Variants in WWOX observed in about 807,000 individuals in gnomAD.
WWOX encodes WW domain-containing oxidoreductase.
Under a neutral mutation model 46.2 loss-of-function variants are expected in WWOX, and 69 were observed. That is an observed-to-expected ratio of 1.49 (90% CI 1.23 to 1.82). WWOX has a LOEUF of 1.82. WWOX is among the 40% of genes most tolerant of loss of function. The probability of loss-of-function intolerance (pLI) is 0.00; values close to 1 mark genes in which losing one functional copy is unlikely to be tolerated. For synonymous variants in WWOX, 359 were observed against 202.6 expected, an observed-to-expected ratio of 1.77 and a Z score of -6.56; for missense variants, 919 against 542.6, an observed-to-expected ratio of 1.69 and a Z score of -6.89.
Position 78,266,627 on chromosome 16 carries a change from T to A in WWOX, c.516+102338T>A, listed in dbSNP as rs568349836. 3.9e-5 allele frequency among the ~76,000 whole-genome samples: 6 copies of A among 152,304 alleles called. No homozygotes were observed. In the South Asian group the frequency reaches 8.3e-4, roughly 21 times the overall value. ...CTGTAGGGATGTAGGTGAGCTTTTT[T>A]ATTTTTCTCAACCTCAGATTCCTCA... On this transcript the variant is annotated intron_variant, in intron 5 of 8. Coordinates refer to ENST00000566780, the MANE Select transcript of WWOX (RefSeq NM_016373.4).
chr16:78,890,756 T>C (rs1475423952), intron 8 of WWOX: 2 of 152,234 alleles, frequency 1.3e-5, no homozygotes, highest in African/African-American at 4.8e-5. Context: ...TTCTGTTTTT[T>C]ATCTAAATGC....
rs552835660 is a variant in WWOX at position 78,429,652 on chromosome 16, C to G, written c.792-2836C>G. ...TAGGTAGAGTTTTCAAGTCATGTCC[C>G]ATACCTTGGATCATTGGATTCTCAA... On this transcript the variant is annotated intron_variant, in intron 7 of 8. Coordinates refer to ENST00000566780, the MANE Select transcript of WWOX (RefSeq NM_016373.4). Among the ~76,000 whole-genome samples, 4 of 152,332 alleles carry G rather than the reference C, an allele frequency of 2.6e-5. No homozygotes were observed. The South Asian group carries it at 8.3e-4, about 32-fold the overall frequency.
At chr16:79,174,799 C>CT in intron 8 of WWOX, among the ~76,000 whole-genome samples, 1 of 152,292 alleles carries the variant, frequency 6.6e-6, no homozygotes, top group East Asian at 1.9e-4. Flanking sequence ...TATTTGATAA[C>CT]TTTAACAGAA....
intron 8 of WWOX, among the ~76,000 whole-genome samples, chr16:78,722,240 G>A (rs951798583): frequency 6.6e-6 from 1 of 152,142 alleles, no homozygotes; most frequent in Non-Finnish European, 1.5e-5. Context: ...CTGACTCCGG[G>A]TTCAGACGGA....
intron 8 of WWOX, among the ~76,000 whole-genome samples, chr16:78,783,630 G>C (rs1296593218): frequency 6.6e-6 from 1 of 152,184 alleles, no homozygotes; most frequent in Non-Finnish European, 1.5e-5. Flanking sequence ...CAAAGGATGT[G>C]CCTGGCATAC....
At chr16:78,747,498 C>T (rs1224942030) in intron 8 of WWOX, among the ~76,000 whole-genome samples, 1 of 152,106 alleles carries the variant, frequency 6.6e-6, no homozygotes, top group Non-Finnish European at 1.5e-5. Flanking sequence ...TAGCATCTCC[C>T]AACAACCCTA....
intron 8 of WWOX, among the ~76,000 whole-genome samples, chr16:78,668,868 A>G (rs1597419711): frequency 6.6e-6 from 1 of 152,164 alleles, no homozygotes; most frequent in South Asian, 2.1e-4. Context: ...TGTTCACTTG[A>G]TAACTCCCTG....
intron 8 of WWOX, among the ~76,000 whole-genome samples, chr16:78,816,546 G>A (rs1375731045): frequency 8.4e-6 from 1 of 118,414 alleles, no homozygotes; most frequent in Non-Finnish European, 1.7e-5. Flanking sequence ...ACAATGAGGG[G>A]AAATGTTTCT....
intron 8 of WWOX, among the ~76,000 whole-genome samples, chr16:78,773,585 C>T (rs192856747): frequency 2.6e-4 from 39 of 152,252 alleles, no homozygotes; most frequent in African/African-American, 8.7e-4. Context: ...TTCATAGCTC[C>T]GCACTCGTGG....
chr16:78,968,952 C>CT (rs890139113), intron 8 of WWOX, among the ~76,000 whole-genome samples: 9 of 151,862 alleles, frequency 5.9e-5, no homozygotes, highest in African/African-American at 2.2e-4. Flanking sequence ...AATAGCACAG[C>CT]TTTTTTCCAC....
chr16:78,940,336 A>G (rs1002009672), intron 8 of WWOX, among the ~76,000 whole-genome samples: 1 of 152,238 alleles, frequency 6.6e-6, no homozygotes, highest in Non-Finnish European at 1.5e-5. Flanking sequence ...CTATAGAAGA[A>G]GAAAAATAAA....
In WWOX at chr16:78,535,032, C is replaced by T. The variant is rs138054119; in HGVS notation, c.1056+102280C>T. On this transcript the variant is annotated intron_variant, in intron 8 of 8. Coordinates refer to ENST00000566780, the MANE Select transcript of WWOX (RefSeq NM_016373.4). ...CAGCGTATTGCTTTATATTTTAAGA[C>T]TATACACTGATATCCCCGAGCACCC... 664 of 152,316 alleles carry T rather than the reference C, an allele frequency of 4.4e-3. 4 individuals carry two copies. Among genetic ancestry groups the T allele is most frequent in the Non-Finnish European group, 7.2e-3 (492 of 68,056 alleles). The allele number at this position is 152,316 out of a possible 1,614,324, so 9.4% of individuals were successfully genotyped here.
At chr16:78,834,227 T>A (rs1037215083) in intron 8 of WWOX, among the ~76,000 whole-genome samples, 1 of 152,202 alleles carries the variant, frequency 6.6e-6, no homozygotes, top group Non-Finnish European at 1.5e-5. Flanking sequence ...AGGGCCCGTG[T>A]GTTCTGATAG....
At chr16:78,878,043 G>T (rs1373327915) in intron 8 of WWOX, among the ~76,000 whole-genome samples, 1 of 152,160 alleles carries the variant, frequency 6.6e-6, no homozygotes, top group Non-Finnish European at 1.5e-5. Context: ...CAGAGAGGAA[G>T]ATCCCCTAAG....
chr16:78,108,673 GA>G (rs1471305305), intron 2 of WWOX, among the ~76,000 whole-genome samples, 186 bp downstream of exon 2: 4 of 152,164 alleles, frequency 2.6e-5, no homozygotes, highest in African/African-American at 9.7e-5. Flanking sequence ...GTGGAGTGAG[GA>G]TGATTTCTTA....
chr16:79,082,885 T>C (rs1375871522), intron 8 of WWOX, among the ~76,000 whole-genome samples: 1 of 152,192 alleles, frequency 6.6e-6, no homozygotes. Context: ...CCGTGGCAGA[T>C]GTGCATAATA....
intron 8 of WWOX, among the ~76,000 whole-genome samples, chr16:78,632,127 A>G (rs2046447392): frequency 6.6e-6 from 1 of 152,194 alleles, no homozygotes; most frequent in South Asian, 2.1e-4. Context: ...AAAACACTTG[A>G]GATCAAGAGT....
chr16:78,947,323 A>G (rs916163660), intron 8 of WWOX, among the ~76,000 whole-genome samples: 5 of 152,182 alleles, frequency 3.3e-5, no homozygotes, highest in African/African-American at 1.2e-4. Context: ...CGCTGTCATT[A>G]GCTTCAAACA....
intron 8 of WWOX, among the ~76,000 whole-genome samples, chr16:78,870,878 A>G (rs574963450): frequency 8.3e-4 from 126 of 152,316 alleles, no homozygotes; most frequent in African/African-American, 2.8e-3. Flanking sequence ...CTAGGATTAT[A>G]GGCATGAGCC....
Sources: gnomAD v4.1 joint callset for allele counts (sites outside exome capture counted in the v4.1 genomes callset) on GRCh38, gnomAD v4.1.1 for gene constraint, MANE v1.5 for transcripts, NCBI Gene and HGNC (gene_info 2026-07-23, HGNC 2026-07-21) for gene names.